The following FAM163A variants were observed in gnomAD, a reference collection of about 807,000 sequenced individuals.
FAM163A encodes the protein family with sequence similarity 163 member A, also known as protein FAM163A.
In FAM163A, 7 loss-of-function variants were observed where a neutral mutation model predicts 12.0. That is an observed-to-expected ratio of 0.58 (90% CI 0.33 to 1.10). The LOEUF is 1.10. FAM163A is among the 50% of genes least tolerant of loss of function. The pLI, the probability that FAM163A is intolerant of heterozygous loss-of-function variation, is 0.03. For missense variants in FAM163A, 202 were observed against 218.6 expected (o/e 0.92, Z 0.48); for synonymous variants, 101 against 91.0 (o/e 1.11, Z -0.62).
chr1:179,765,188 C>G (rs1571372646), intron 1 of FAM163A, among the ~76,000 whole-genome samples: 1 of 152,380 alleles, frequency 6.6e-6, no homozygotes, highest in East Asian at 1.9e-4. Context: ...TGTCACCCCA[C>G]TTCACTTGTT....
intron 1 of FAM163A, among the ~76,000 whole-genome samples, chr1:179,771,076 G>A (rs939154135): frequency 3.3e-5 from 5 of 152,036 alleles, no homozygotes; most frequent in East Asian, 3.9e-4. Context: ...GCTTTTTCCG[G>A]TATGATCTCA....
intron 1 of FAM163A, among the ~76,000 whole-genome samples, chr1:179,777,213 T>C (rs1689103899): frequency 6.6e-6 from 1 of 152,208 alleles, no homozygotes; most frequent in East Asian, 1.9e-4. Context: ...ATCTTCTGGG[T>C]ATACACCTAA....
At chr1:179,766,213 C>G (rs1188564127) in intron 1 of FAM163A, among the ~76,000 whole-genome samples, 1 of 152,220 alleles carries the variant, frequency 6.6e-6, no homozygotes, top group Non-Finnish European at 1.5e-5. Context: ...AACCAGAACC[C>G]CTTTTCCCCA....
intron 1 of FAM163A, among the ~76,000 whole-genome samples, chr1:179,744,708 C>T (rs776613029): frequency 6.6e-6 from 1 of 152,162 alleles, no homozygotes; most frequent in Non-Finnish European, 1.5e-5. Flanking sequence ...GCACTTTCTC[C>T]TGTCATTTCG....
At chr1:179,790,921 G>C (rs1691388413) in intron 1 of FAM163A, among the ~76,000 whole-genome samples, 1 of 152,184 alleles carries the variant, frequency 6.6e-6, no homozygotes, top group African/African-American at 2.4e-5. Flanking sequence ...ATGATGGATA[G>C]GCAGCCAACC....
intron 1 of FAM163A, among the ~76,000 whole-genome samples, chr1:179,754,076 G>A (rs769328727): frequency 6.6e-6 from 1 of 152,228 alleles, no homozygotes; most frequent in East Asian, 1.9e-4. Flanking sequence ...AGAAGCGGAA[G>A]GACATCTCTG....
chr1:179,804,747 T>C (rs886518456), intron 1 of FAM163A, among the ~76,000 whole-genome samples: 5 of 152,104 alleles, frequency 3.3e-5, no homozygotes, highest in African/African-American at 1.2e-4. Context: ...AAGTGGGAGC[T>C]AAATGATGAG....
chr1:179,800,195 C>T (rs984350875), intron 1 of FAM163A, among the ~76,000 whole-genome samples: 1 of 152,254 alleles, frequency 6.6e-6, no homozygotes, highest in Non-Finnish European at 1.5e-5. Context: ...AAGGGGCCCA[C>T]AGCCAGGTTC....
At chr1:179,736,297 T>G in the FAM163A span, among the ~76,000 whole-genome samples, 1 of 150,984 alleles carries the variant, frequency 6.6e-6, no homozygotes, top group Non-Finnish European at 1.5e-5. Flanking sequence ...GGTTAATATC[T>G]GAACTATACA....
At chr1:179,775,774 G>A (rs974618437) in intron 1 of FAM163A, among the ~76,000 whole-genome samples, 14 of 152,306 alleles carry the variant, frequency 9.2e-5, no homozygotes, top group Admixed American at 5.9e-4. Context: ...ACAGATGCCC[G>A]CAGAATACTT....
At chr1:179,752,710 A>G (rs1685457099) in intron 1 of FAM163A, among the ~76,000 whole-genome samples, 1 of 152,194 alleles carries the variant, frequency 6.6e-6, no homozygotes. Context: ...CAAATCACTA[A>G]TTTTCAGAGA....
At chr1:179,765,761 T>A (rs925395246) in intron 1 of FAM163A, among the ~76,000 whole-genome samples, 2 of 147,918 alleles carry the variant, frequency 1.4e-5, no homozygotes, top group African/African-American at 2.5e-5. Context: ...CTCTCTCACA[T>A]CCATGGTTTT....
At chr1:179,783,249 G>A (rs1004554175) in intron 1 of FAM163A, among the ~76,000 whole-genome samples, 5 of 151,996 alleles carry the variant, frequency 3.3e-5, no homozygotes, top group Non-Finnish European at 7.4e-5. Context: ...AGACTGAGTA[G>A]AAACATGGGG....
intron 1 of FAM163A, among the ~76,000 whole-genome samples, chr1:179,746,672 C>T (rs75795872): frequency 2.0e-5 from 3 of 152,266 alleles, no homozygotes; most frequent in African/African-American, 4.8e-5. Flanking sequence ...CATGGGAATA[C>T]GTTAACTATT....
intron 1 of FAM163A, among the ~76,000 whole-genome samples, chr1:179,787,444 C>A (rs1245475322): frequency 1.3e-5 from 2 of 152,200 alleles, no homozygotes. Flanking sequence ...AAGGTTCCCT[C>A]GCGCACAGTT....
chr1:179,737,270 TG>T, the FAM163A span, among the ~76,000 whole-genome samples: 2 of 152,232 alleles, frequency 1.3e-5, no homozygotes, highest in Non-Finnish European at 2.9e-5. Context: ...GGAAAAATAT[TG>T]CATAATTCCA....
chr1:179,813,750 C>G (rs750281157), intron 4 of FAM163A, 29 bp from the exon 5 acceptor site: 1 of 1,612,576 alleles, frequency 6.2e-7, no homozygotes, highest in Non-Finnish European at 8.5e-7. Context: ...CATTCACCCT[C>G]TCAGGCATCC....
At chr1:179,772,541 G>A (rs1416110473) in intron 1 of FAM163A, among the ~76,000 whole-genome samples, 2 of 152,176 alleles carry the variant, frequency 1.3e-5, no homozygotes, top group East Asian at 3.8e-4. Flanking sequence ...TGTAGGTGGG[G>A]CCCAGCAATC....
intron 1 of FAM163A, among the ~76,000 whole-genome samples, chr1:179,745,631 C>G (rs1557886025): frequency 6.6e-6 from 1 of 152,206 alleles, no homozygotes; most frequent in Non-Finnish European, 1.5e-5. Flanking sequence ...GGTTTAGAAT[C>G]TGGCCTGGTG....
Sources: gnomAD v4.1 joint callset for allele counts (sites outside exome capture counted in the v4.1 genomes callset) on GRCh38, gnomAD v4.1.1 for gene constraint, MANE v1.5 for transcripts, NCBI Gene and HGNC (gene_info 2026-07-23, HGNC 2026-07-21) for gene names.